Variants in PCNX4 observed in about 807,000 individuals in gnomAD.
PCNX4 encodes the protein pecanex 4.
PCNX4 carries 103 observed loss-of-function variants against 107.2 expected under a neutral mutation model. The observed-to-expected ratio is 0.96, with a 90% CI of 0.82 to 1.13. The LOEUF is 1.13. PCNX4 is among the 50% of genes most tolerant of loss of function. The pLI is 0.00. For missense variants in PCNX4, 1,528 were observed against 1,379.4 expected (o/e 1.11, Z -1.71); for synonymous variants, 541 against 481.7 (o/e 1.12, Z -1.61).
rs1319619300 is a variant in PCNX4, at chr14:60,134,176, A to T, written c.3474A>T (p.Gly1158=). Residue 1158 remains glycine, a synonymous_variant, in exon 11 of 11, where the codon GGA becomes GGT. Transcript: ENST00000406854. ...LTVQAAEPPL[G]YPIYSSKPLH... The stretch of plus-strand genomic sequence containing the variant: ...TACAAGCAGCAGAACCTCCCCTGGG[A>T]TATCCGATTTATTCTTCAAAACCTC... 1.9e-6 allele frequency: 3 copies of T among 1,613,626 alleles called. No homozygotes were observed. The highest frequency in any genetic ancestry group is 2.5e-6 in the Non-Finnish European group (3 of 1,179,706).
At position 60,124,546 on chromosome 14, in the gene PCNX4, C is replaced by G. The variant is rs145257081; in HGVS notation, c.2375C>G (p.Pro792Arg). 3.1e-6 allele frequency: 5 copies of G among 1,613,540 alleles called. No homozygotes were observed. The highest frequency in any genetic ancestry group is 4.2e-6 in the Non-Finnish European group (5 of 1,179,752). ...AACACTGAAAATAAAGGGAAAGCAC[C>G]TCTAATGTTGCCTGCTTTGAACACT... Reference protein sequence around the residue: ...VHNTENKGKAPLMLPALNTLP... With the variant: ...VHNTENKGKARLMLPALNTLP... Residue 792 changes from proline (P) to arginine (R), a missense_variant, in exon 9 of 11, where the codon CCT becomes CGT. Coordinates refer to ENST00000406854, the MANE Select transcript of PCNX4 (RefSeq NM_001330177.2).
At chr14:60,114,658 T>C in intron 2 of PCNX4, 42 bp from the exon 3 acceptor site, 1 of 1,534,318 alleles carries the variant, frequency 6.5e-7, no homozygotes, top group Non-Finnish European at 8.9e-7. Flanking sequence ...GATCCTCTTC[T>C]ATATATTTCG....
chr14:60,121,397 A>G, intron 8 of PCNX4, 98 bp downstream of exon 8: 1 of 1,261,026 alleles, frequency 7.9e-7, no homozygotes. Context: ...AAAGAAGAAT[A>G]TCTTTTCAAT....
At position 60,134,227 on chromosome 14, in the gene PCNX4, A is replaced by G. The variant is rs1157907065; in HGVS notation, c.*6A>G. The G allele has an allele frequency of 3.1e-6, 5 of 1,611,594 alleles. No homozygotes were observed. In the African/African-American group the frequency reaches 6.7e-5, roughly 22 times the overall value. Reference sequence around the variant, plus strand: ...TCCACATACATTTGTATTAGAGCTCATTTTGACTGTAATGTCATCAAATGC... The same window carrying G: ...TCCACATACATTTGTATTAGAGCTCGTTTTGACTGTAATGTCATCAAATGC... On this transcript the variant is annotated 3_prime_UTR_variant, in exon 11 of 11. Transcript: ENST00000406854.
Position 60,124,854 on chromosome 14 carries a change from C to CCATA in PCNX4, c.2684_2687dup (p.Pro898TyrfsTer23), listed in dbSNP as rs761802354. On this transcript the variant is annotated frameshift_variant, in exon 9 of 11. Coordinates refer to ENST00000406854, the MANE Select transcript of PCNX4 (RefSeq NM_001330177.2). LOFTEE classifies it high-confidence loss of function. ...TGACAAAGGAAAACAAGAGGACATG[C>CCATA]CATATATTCCTCTCATGGAGTTCAG... 1.5e-5 allele frequency: 25 copies of CCATA among 1,613,630 alleles called. No homozygotes were observed. Among genetic ancestry groups the CCATA allele is most frequent in the African/African-American group, 2.7e-5 (2 of 74,886 alleles).
chr14:60,123,005 A>G (rs1595174688), intron 8 of PCNX4, among the ~76,000 whole-genome samples: 1 of 152,152 alleles, frequency 6.6e-6, no homozygotes, highest in Non-Finnish European at 1.5e-5. Flanking sequence ...TAGAAACTCT[A>G]GGGGTGGGAT....
At position 60,124,605 on chromosome 14, in the gene PCNX4, AG is replaced by A. The variant is rs779005311; in HGVS notation, c.2435del (p.Ser812IlefsTer2). 1.2e-6 allele frequency: 2 copies of A among 1,613,812 alleles called. No individual in the cohort carries two copies. The highest frequency in any genetic ancestry group is 2.2e-5 in the South Asian group (2 of 91,084). On this transcript the variant is annotated frameshift_variant, in exon 9 of 11. Coordinates refer to ENST00000406854, the MANE Select transcript of PCNX4 (RefSeq NM_001330177.2). LOFTEE classifies it high-confidence loss of function. Reference sequence around the variant, plus strand: ...TCCCAAATCCCCAGAAGACATAGACAGTTTAAATTCAGAAACTTTTAATGAC... The same window carrying A: ...TCCCAAATCCCCAGAAGACATAGACATTTAAATTCAGAAACTTTTAATGAC... ...PPPKSPEDID[S>X]LNSETFNDWS... is the part of the protein sequence containing the mutation.
intron 2 of PCNX4, among the ~76,000 whole-genome samples, chr14:60,112,830 AAAG>A (rs1895763845): frequency 1.3e-5 from 2 of 152,250 alleles, no homozygotes; most frequent in Non-Finnish European, 2.9e-5. Flanking sequence ...TTATTTTAAC[AAAG>A]TATTGTCCTC....
chr14:60,108,370 G>A (rs1406650031), intron 2 of PCNX4, 43 bp downstream of exon 2: 2 of 1,421,126 alleles, frequency 1.4e-6, no homozygotes, highest in African/African-American at 1.4e-5. Context: ...TTGTTTTTAA[G>A]TATACAGAGT....
intron 1 of PCNX4, among the ~76,000 whole-genome samples, chr14:60,104,993 A>T (rs1895603626): frequency 6.6e-6 from 1 of 152,128 alleles, no homozygotes; most frequent in South Asian, 2.1e-4. Context: ...TTGAGACCAG[A>T]AGTGTTTTGG....
chr14:60,118,800 A>G (rs1786307881), intron 7 of PCNX4, 108 bp downstream of exon 7: 6 of 1,239,846 alleles, frequency 4.8e-6, no homozygotes, highest in Non-Finnish European at 6.3e-6. Flanking sequence ...TAGCATAACA[A>G]CCATAACAAT....
intron 2 of PCNX4, 106 bp downstream of exon 2, chr14:60,108,433 C>A: frequency 1.2e-6 from 1 of 810,068 alleles, no homozygotes; most frequent in Non-Finnish European, 1.9e-6. Flanking sequence ...GATTAAAAAT[C>A]ATCAAACCAT....
At chr14:60,110,409 C>CA in intron 2 of PCNX4, 1 of 167,226 alleles carries the variant, frequency 6.0e-6, no homozygotes, top group Admixed American at 6.5e-5. Context: ...AGAAGCAGGA[C>CA]CCTCACCTAG....
At chr14:60,116,649 G>A (rs558065454) in intron 6 of PCNX4, among the ~76,000 whole-genome samples, 2 of 152,050 alleles carry the variant, frequency 1.3e-5, no homozygotes, top group Non-Finnish European at 2.9e-5. Flanking sequence ...GCAACTACTG[G>A]TTTATGTACT....
chr14:60,106,590 T>C (rs147957726), intron 1 of PCNX4, among the ~76,000 whole-genome samples: 1 of 152,314 alleles, frequency 6.6e-6, no homozygotes, highest in Non-Finnish European at 1.5e-5. Flanking sequence ...AGAAGATAGA[T>C]GTTTACAATT....
rs1187379286 is a variant in PCNX4, at chr14:60,138,761, TTAGAGA to T, written c.*4543_*4548del. On this transcript the variant is annotated 3_prime_UTR_variant, in exon 11 of 11. Coordinates refer to ENST00000406854, the MANE Select transcript of PCNX4 (RefSeq NM_001330177.2). ...GAAGGAAAAAGATCCCAGAAAAAGG[TTAGAGA>T]TAAAGGTAGGAATGAACAGTAATTT... The T allele has an allele frequency of 6.6e-6, 1 of 151,956 alleles. No individual in the cohort carries two copies. Among genetic ancestry groups the T allele is most frequent in the Non-Finnish European group, 1.5e-5 (1 of 67,946 alleles). 9.4% of individuals were successfully genotyped at this position (151,956 alleles called of 1,614,324 possible). A position where few individuals can be genotyped will look rare whatever the true frequency, so the allele number is the denominator to read the frequency against.
At chr14:60,121,362 A>G (rs1895952171) in intron 8 of PCNX4, 63 bp downstream of exon 8, 2 of 1,515,210 alleles carry the variant, frequency 1.3e-6, no homozygotes, top group Non-Finnish European at 1.8e-6. Context: ...TTTACCTGTT[A>G]TGTTCACATC....
chr14:60,096,217 C>A (rs1286313255), intron 1 of PCNX4, among the ~76,000 whole-genome samples: 1 of 152,184 alleles, frequency 6.6e-6, no homozygotes, highest in Non-Finnish European at 1.5e-5. Context: ...ACACAACATT[C>A]CATTTTTATG....
Position 60,108,212 on chromosome 14 carries a change from A to G in PCNX4, c.574A>G (p.Ile192Val). Residue 192 changes from isoleucine to valine, a missense_variant, in exon 2 of 11, where the codon ATT becomes GTT. By Grantham distance (29) the Ile-to-Val change is conservative. Coordinates refer to ENST00000406854, the MANE Select transcript of PCNX4 (RefSeq NM_001330177.2). ...ACTATGTATAGCAGAATATTCTTTA[A>G]TTGTAAACACAGCTACAGAGACTGC... ...MTLCIAEYSL[I>V]VNTATETATF... is the part of the protein sequence containing the mutation. The G allele has an allele frequency of 6.2e-7, 1 of 1,612,754 alleles. No homozygotes were observed. Among genetic ancestry groups the G allele is most frequent in the Non-Finnish European group, 8.5e-7 (1 of 1,179,758 alleles).
Sources: allele counts gnomAD v4.1 joint callset (sites outside exome capture counted in the v4.1 genomes callset), GRCh38; gene constraint gnomAD v4.1.1; transcripts MANE v1.5; gene names NCBI Gene and HGNC (gene_info 2026-07-23, HGNC 2026-07-21).